CNTNAP2: variants seen among roughly 807,000 people sequenced by gnomAD.
CNTNAP2 encodes the protein contactin-associated protein-like 2.
CNTNAP2 carries 98 observed loss-of-function variants against 155.2 expected under a neutral mutation model. That is an observed-to-expected ratio of 0.63 (90% CI 0.54 to 0.75). The LOEUF is 0.75. Ranked by LOEUF, CNTNAP2 falls within the 30% of genes least tolerant of loss-of-function variation. The pLI is 0.00. For missense variants in CNTNAP2, 1,727 were observed against 1,688.1 expected, an observed-to-expected ratio of 1.02 and a Z score of -0.40; for synonymous variants, 651 against 631.2, an observed-to-expected ratio of 1.03 and a Z score of -0.47.
intron 1 of CNTNAP2, among the ~76,000 whole-genome samples, chr7:146,537,561 C>A (rs1407783733): frequency 6.6e-6 from 1 of 152,000 alleles, no homozygotes; most frequent in Non-Finnish European, 1.5e-5. Flanking sequence ...GCCAAGGAGA[C>A]AACACAAGAA....
At chr7:146,380,462 C>T (rs1338192150) in intron 1 of CNTNAP2, among the ~76,000 whole-genome samples, 1 of 152,050 alleles carries the variant, frequency 6.6e-6, no homozygotes, top group Non-Finnish European at 1.5e-5. Flanking sequence ...AACAAAATTA[C>T]CATGGAAAGC....
chr7:146,460,469 C>G (rs1306764434), intron 1 of CNTNAP2, among the ~76,000 whole-genome samples: 1 of 152,084 alleles, frequency 6.6e-6, no homozygotes, highest in East Asian at 1.9e-4. Flanking sequence ...AAGGAGATAT[C>G]TGTACTCCAT....
intron 10 of CNTNAP2, among the ~76,000 whole-genome samples, chr7:147,450,484 C>T (rs1258190677): frequency 6.6e-6 from 1 of 152,162 alleles, no homozygotes; most frequent in African/African-American, 2.4e-5. Flanking sequence ...AGAACTCAGC[C>T]AAGCTCACAT....
intron 20 of CNTNAP2, among the ~76,000 whole-genome samples, chr7:148,242,246 G>A (rs1796171514): frequency 6.6e-6 from 1 of 152,196 alleles, no homozygotes; most frequent in Non-Finnish European, 1.5e-5. Flanking sequence ...AGAGCGGGTT[G>A]TTTCTTGCCC....
chr7:147,145,168 C>G (rs1334997590), intron 8 of CNTNAP2, among the ~76,000 whole-genome samples: 1 of 152,166 alleles, frequency 6.6e-6, no homozygotes, highest in Non-Finnish European at 1.5e-5. Context: ...CCTACCATTT[C>G]TAATTTCCTT....
At chr7:146,543,812 G>T (rs1183159138) in intron 1 of CNTNAP2, among the ~76,000 whole-genome samples, 1 of 151,872 alleles carries the variant, frequency 6.6e-6, no homozygotes, top group East Asian at 1.9e-4. Flanking sequence ...CAGGCCTGAT[G>T]AACTACTTAA....
chr7:146,571,122 C>T (rs1358455454), intron 1 of CNTNAP2, among the ~76,000 whole-genome samples: 1 of 152,016 alleles, frequency 6.6e-6, no homozygotes, highest in Non-Finnish European at 1.5e-5. Context: ...ATTCTGGAAT[C>T]TGTTTTGACT....
At chr7:147,545,754 G>A (rs575131246) in intron 11 of CNTNAP2, among the ~76,000 whole-genome samples, 4 of 152,236 alleles carry the variant, frequency 2.6e-5, no homozygotes, top group African/African-American at 9.6e-5. Context: ...TAAAACCTAA[G>A]GTTGCATCAC....
chr7:146,120,237 C>A (rs982834782), intron 1 of CNTNAP2, among the ~76,000 whole-genome samples: 1 of 151,946 alleles, frequency 6.6e-6, no homozygotes, highest in Non-Finnish European at 1.5e-5. Context: ...AGACCTTGAA[C>A]ATAATAATGA....
intron 15 of CNTNAP2, among the ~76,000 whole-genome samples, chr7:148,105,854 T>A (rs1163974193): frequency 6.6e-6 from 1 of 152,208 alleles, no homozygotes. Flanking sequence ...CCCAAAGTGC[T>A]GGGATTACAG....
At chr7:146,299,402 T>C (rs946171626) in intron 1 of CNTNAP2, among the ~76,000 whole-genome samples, 2 of 152,056 alleles carry the variant, frequency 1.3e-5, no homozygotes, top group African/African-American at 4.8e-5. Context: ...CCAATGATTA[T>C]TTATTTATTT....
chr7:147,856,459 C>T (rs1799041367), intron 13 of CNTNAP2, among the ~76,000 whole-genome samples: 1 of 152,144 alleles, frequency 6.6e-6, no homozygotes, highest in African/African-American at 2.4e-5. Flanking sequence ...AAACACCCTC[C>T]TCATAACTTG....
chr7:146,652,868 T>C (rs1351330506), intron 1 of CNTNAP2, among the ~76,000 whole-genome samples: 1 of 152,140 alleles, frequency 6.6e-6, no homozygotes, highest in African/African-American at 2.4e-5. Flanking sequence ...GACTTCGTTG[T>C]CGTGAAGAAG....
At chr7:147,128,996 G>T (rs900132268) in intron 7 of CNTNAP2, among the ~76,000 whole-genome samples, 160 bp downstream of exon 7, 3 of 152,168 alleles carry the variant, frequency 2.0e-5, no homozygotes, top group Non-Finnish European at 2.9e-5. Flanking sequence ...AATTAGTATA[G>T]ATACTTGCTA....
At chr7:147,169,983 G>A (rs1802193718) in intron 8 of CNTNAP2, among the ~76,000 whole-genome samples, 1 of 152,018 alleles carries the variant, frequency 6.6e-6, no homozygotes, top group Middle Eastern at 3.4e-3. Flanking sequence ...CATTGCTGAG[G>A]AGGTAGTGGG....
chr7:146,398,086 G>T (rs1795658597), intron 1 of CNTNAP2, among the ~76,000 whole-genome samples: 1 of 151,140 alleles, frequency 6.6e-6, no homozygotes, highest in Non-Finnish European at 1.5e-5. Flanking sequence ...TGCCCAGGAT[G>T]GTCTTGAACT....
intron 14 of CNTNAP2, among the ~76,000 whole-genome samples, chr7:147,951,869 T>C (rs1368412920): frequency 4.0e-5 from 6 of 151,872 alleles, no homozygotes; most frequent in South Asian, 2.1e-4. Context: ...CAAACCACCA[T>C]GGCACATGTA....
chr7:148,133,156 T>C (rs1196473883), intron 16 of CNTNAP2, among the ~76,000 whole-genome samples: 1 of 152,052 alleles, frequency 6.6e-6, no homozygotes, highest in African/African-American at 2.4e-5. Context: ...TCTGCAGCCA[T>C]ATGACAGTCT....
At chr7:146,142,318 C>A (rs866502899) in intron 1 of CNTNAP2, among the ~76,000 whole-genome samples, 1 of 152,194 alleles carries the variant, frequency 6.6e-6, no homozygotes, top group African/African-American at 2.4e-5. Context: ...CTGTCTTTCA[C>A]AACTTCGTGG....
Sources: gnomAD v4.1 joint callset for allele counts (sites outside exome capture counted in the v4.1 genomes callset) on GRCh38, gnomAD v4.1.1 for gene constraint, MANE v1.5 for transcripts, NCBI Gene and HGNC (gene_info 2026-07-23, HGNC 2026-07-21) for gene names.